The following UNC5D variants were observed in gnomAD, a reference collection of about 807,000 sequenced individuals.
UNC5D encodes the protein netrin receptor UNC5D.
In UNC5D, 39 loss-of-function variants were observed where a neutral mutation model predicts 105.4. The ratio of observed to expected loss-of-function variants is 0.37; its 90% CI spans 0.29 to 0.48. The LOEUF (loss-of-function observed/expected upper bound fraction) is 0.48. Ranked by LOEUF, UNC5D falls within the 20% of genes least tolerant of loss-of-function variation. The pLI, the probability that UNC5D is intolerant of heterozygous loss-of-function variation, is 0.98. For missense variants in UNC5D, 991 were observed against 1,202.4 expected (o/e 0.82, Z 2.60); for synonymous variants, 452 against 450.4 (o/e 1.00, Z -0.04).
intron 1 of UNC5D, among the ~76,000 whole-genome samples, chr8:35,521,598 C>T (rs1813483622): frequency 6.6e-6 from 1 of 152,126 alleles, no homozygotes; most frequent in South Asian, 2.1e-4. Flanking sequence ...GGCCTCTAGG[C>T]TTCTGCCTTG....
intron 1 of UNC5D, among the ~76,000 whole-genome samples, chr8:35,325,678 C>A (rs148290667): frequency 6.6e-6 from 1 of 152,136 alleles, no homozygotes; most frequent in Admixed American, 6.5e-5. Flanking sequence ...TGCTCAATGG[C>A]GAGTTGCCAG....
At chr8:35,391,879 A>C (rs906833773) in intron 1 of UNC5D, among the ~76,000 whole-genome samples, 6 of 152,154 alleles carry the variant, frequency 3.9e-5, no homozygotes, top group Admixed American at 6.5e-5. Context: ...TAAGTAACCT[A>C]TTGTACTTGG....
chr8:35,255,325 A>G (rs1804001712), intron 1 of UNC5D: 1 of 152,166 alleles, frequency 6.6e-6, no homozygotes, highest in Non-Finnish European at 1.5e-5. Flanking sequence ...TCCTGAGTAG[A>G]CGCACCCATC....
chr8:35,348,533 A>G (rs944959545), intron 1 of UNC5D, among the ~76,000 whole-genome samples: 1 of 110,890 alleles, frequency 9.0e-6, no homozygotes, highest in Non-Finnish European at 1.8e-5. Context: ...TCAATGTAGA[A>G]TACACCAAGT....
intron 1 of UNC5D, among the ~76,000 whole-genome samples, chr8:35,283,776 C>A (rs1477195819): frequency 6.8e-6 from 1 of 147,086 alleles, no homozygotes; most frequent in South Asian, 2.3e-4. Flanking sequence ...TACACTCCAA[C>A]CTAGTGACAG....
At chr8:35,691,513 C>G (rs1404066041) in intron 7 of UNC5D, among the ~76,000 whole-genome samples, 1 of 152,014 alleles carries the variant, frequency 6.6e-6, no homozygotes, top group Non-Finnish European at 1.5e-5. Context: ...AGGTAAATGC[C>G]CCAAGACTGG....
chr8:35,731,103 G>T lies in UNC5D; in HGVS notation c.1766+7G>T, dbSNP rs781432842. The T allele has an allele frequency of 6.2e-7, 1 of 1,613,414 alleles. No homozygotes were observed. The highest frequency in any genetic ancestry group is 8.5e-7 in the Non-Finnish European group (1 of 1,179,482). ...TCAACCAAGGTGAACCCAGGTGAGAGACAGAGAATAGCATATTAAAGAAAG... is the reference window on the plus strand; with the variant it reads ...TCAACCAAGGTGAACCCAGGTGAGATACAGAGAATAGCATATTAAAGAAAG... On this transcript the variant is annotated splice_region_variant and intron_variant, in intron 11 of 16. Transcript: ENST00000404895.
At chr8:35,324,538 T>G (rs1810008982) in intron 1 of UNC5D, among the ~76,000 whole-genome samples, 1 of 152,188 alleles carries the variant, frequency 6.6e-6, no homozygotes, top group Non-Finnish European at 1.5e-5. Context: ...TTTTATTGTT[T>G]TATTGAACAA....
intron 4 of UNC5D, among the ~76,000 whole-genome samples, chr8:35,608,049 A>G (rs550129079): frequency 2.0e-5 from 3 of 152,262 alleles, no homozygotes; most frequent in East Asian, 3.9e-4. Context: ...TATATTCTGC[A>G]TCATAAAGCA....
chr8:35,500,128 T>C (rs1283426144), intron 1 of UNC5D, among the ~76,000 whole-genome samples: 1 of 152,238 alleles, frequency 6.6e-6, no homozygotes, highest in East Asian at 1.9e-4. Flanking sequence ...TAATTAGTTT[T>C]CAAGGAAATA....
intron 1 of UNC5D, among the ~76,000 whole-genome samples, chr8:35,393,125 CTTTT>C (rs34886215): frequency 1.7e-3 from 124 of 75,068 alleles, no homozygotes; most frequent in African/African-American, 4.6e-3. Flanking sequence ...CCTATTCCTA[CTTTT>C]TTTTTTTTTT....
intron 4 of UNC5D, among the ~76,000 whole-genome samples, chr8:35,672,656 C>A (rs534766847): frequency 6.6e-6 from 1 of 152,294 alleles, no homozygotes; most frequent in East Asian, 1.9e-4. Flanking sequence ...TTGATTACAT[C>A]TCTCTCCCCA....
chr8:35,294,901 C>T (rs1277022836), intron 1 of UNC5D, among the ~76,000 whole-genome samples: 7 of 152,002 alleles, frequency 4.6e-5, no homozygotes, highest in South Asian at 2.1e-4. Context: ...TGGTGTTATT[C>T]GAAGTTTATG....
chr8:35,316,581 C>T (rs2950901), intron 1 of UNC5D, among the ~76,000 whole-genome samples: 54,898 of 152,006 alleles, frequency 0.36, 10,922 homozygotes, highest in Middle Eastern at 0.45. Flanking sequence ...AAATCACATA[C>T]ATTGGCCTAA....
intron 1 of UNC5D, among the ~76,000 whole-genome samples, chr8:35,513,448 C>CA (rs983809890): frequency 1.3e-5 from 2 of 151,786 alleles, no homozygotes; most frequent in African/African-American, 2.4e-5. Context: ...AGGCTGGTCT[C>CA]AAACTCCTGA....
chr8:35,433,847 CAAA>C (rs35220872), intron 1 of UNC5D, among the ~76,000 whole-genome samples: 2 of 86,566 alleles, frequency 2.3e-5, no homozygotes. Flanking sequence ...GACCCTGTCT[CAAA>C]AAAAAAAAAA....
At chr8:35,338,155 A>G (rs531334309) in intron 1 of UNC5D, among the ~76,000 whole-genome samples, 3 of 152,258 alleles carry the variant, frequency 2.0e-5, no homozygotes, top group South Asian at 4.2e-4. Flanking sequence ...GTTTTTTTCA[A>G]CCTAATTTCT....
intron 2 of UNC5D, among the ~76,000 whole-genome samples, chr8:35,557,668 A>G (rs907508761): frequency 1.1e-4 from 17 of 152,076 alleles, no homozygotes; most frequent in Non-Finnish European, 2.1e-4. Flanking sequence ...GTGTCCTTAA[A>G]AGAGTCCCCG....
chr8:35,418,119 A>G (rs1181390226), intron 1 of UNC5D, among the ~76,000 whole-genome samples: 2 of 152,034 alleles, frequency 1.3e-5, no homozygotes, highest in Admixed American at 1.3e-4. Flanking sequence ...TAGGGGATTG[A>G]TTTTAAATAT....
Sources: allele counts gnomAD v4.1 joint callset (sites outside exome capture counted in the v4.1 genomes callset), GRCh38; gene constraint gnomAD v4.1.1; transcripts MANE v1.5; gene names NCBI Gene and HGNC (gene_info 2026-07-23, HGNC 2026-07-21).